The following SOX6 variants were observed in gnomAD, a reference collection of about 807,000 sequenced individuals.
SOX6 encodes transcription factor SOX-6.
Under a neutral mutation model 97.8 loss-of-function variants are expected in SOX6, and 11 were observed. The ratio of observed to expected loss-of-function variants is 0.11; its 90% confidence interval spans 0.07 to 0.19. The LOEUF (loss-of-function observed/expected upper bound fraction) is 0.19. SOX6 is among the 10% of genes least tolerant of loss of function. The pLI, the probability that SOX6 is intolerant of heterozygous loss-of-function variation, is 1.00. For synonymous variants in SOX6, 360 were observed against 371.4 expected, an observed-to-expected ratio of 0.97 and a Z score of 0.35; for missense variants, 810 against 1,039.5, an observed-to-expected ratio of 0.78 and a Z score of 3.04.
chr11:16,089,093 C>T (rs1848631355), intron 9 of SOX6, among the ~76,000 whole-genome samples: 1 of 152,036 alleles, frequency 6.6e-6, no homozygotes. Context: ...GAAATGAACT[C>T]AATGCAGTTT....
chr11:16,202,244 C>A (rs1851960656), intron 4 of SOX6, among the ~76,000 whole-genome samples: 1 of 152,080 alleles, frequency 6.6e-6, no homozygotes, highest in South Asian at 2.1e-4. Context: ...GAAAAATTTT[C>A]ATTTGCTTCT....
At chr11:16,535,207 A>T (rs1028130314) in intron 4 of SOX6, among the ~76,000 whole-genome samples, 2 of 152,194 alleles carry the variant, frequency 1.3e-5, no homozygotes, top group Non-Finnish European at 2.9e-5. Context: ...TATCTACTAC[A>T]TGATGGTGTT....
intron 6 of SOX6, among the ~76,000 whole-genome samples, chr11:16,176,062 C>T (rs563860630): frequency 4.4e-5 from 5 of 113,658 alleles, no homozygotes; most frequent in Admixed American, 4.3e-4. Flanking sequence ...GACGGACAGA[C>T]GGACGGACGG....
At chr11:16,553,308 G>C (rs576241767) in intron 4 of SOX6, among the ~76,000 whole-genome samples, 1 of 152,310 alleles carries the variant, frequency 6.6e-6, no homozygotes, top group Admixed American at 6.5e-5. Context: ...CTAAGTATGG[G>C]CTGTTGGCAA....
chr11:16,432,420 A>G (rs1859288724), intron 1 of SOX6, among the ~76,000 whole-genome samples: 1 of 152,262 alleles, frequency 6.6e-6, no homozygotes, highest in East Asian at 1.9e-4. Context: ...GAAATAATGT[A>G]TTAATTAGCT....
intron 6 of SOX6, among the ~76,000 whole-genome samples, chr11:16,135,798 G>A (rs1849945486): frequency 6.6e-6 from 1 of 152,148 alleles, no homozygotes; most frequent in African/African-American, 2.4e-5. Flanking sequence ...GGCTTTGAGA[G>A]GATTGAAAGA....
At chr11:16,222,473 C>G in intron 4 of SOX6, among the ~76,000 whole-genome samples, 1 of 152,080 alleles carries the variant, frequency 6.6e-6, no homozygotes, top group East Asian at 1.9e-4. Flanking sequence ...TTTGGCTTCC[C>G]AAAGTGCTGG....
intron 4 of SOX6, among the ~76,000 whole-genome samples, chr11:16,600,052 T>G (rs753071375): frequency 4.6e-5 from 7 of 152,236 alleles, no homozygotes; most frequent in Non-Finnish European, 8.8e-5. Context: ...AAGTGTGGAC[T>G]GGCATAAATG....
intron 9 of SOX6, among the ~76,000 whole-genome samples, chr11:16,081,404 C>T (rs887058151): frequency 6.6e-6 from 1 of 151,894 alleles, no homozygotes; most frequent in Middle Eastern, 3.4e-3. Context: ...TTAAAGATGA[C>T]ACAAAAAAAA....
intron 1 of SOX6, among the ~76,000 whole-genome samples, chr11:16,459,308 A>G (rs150101112): frequency 6.6e-6 from 1 of 152,218 alleles, no homozygotes; most frequent in Non-Finnish European, 1.5e-5. Context: ...CATAAAAGCA[A>G]GAATCAAACT....
chr11:16,449,346 G>C (rs1336116126), intron 1 of SOX6, among the ~76,000 whole-genome samples: 1 of 126,896 alleles, frequency 7.9e-6, no homozygotes, highest in Non-Finnish European at 1.6e-5. Context: ...AGGCTGGAGT[G>C]CAGTGGAGCC....
At chr11:16,582,949 T>C (rs1848044372) in intron 4 of SOX6, among the ~76,000 whole-genome samples, 1 of 152,076 alleles carries the variant, frequency 6.6e-6, no homozygotes, top group African/African-American at 2.4e-5. Flanking sequence ...TTCACAAAGA[T>C]GGCAAGACGC....
intron 1 of SOX6, among the ~76,000 whole-genome samples, chr11:16,452,690 C>T (rs184779080): frequency 6.6e-6 from 1 of 152,134 alleles, no homozygotes; most frequent in Admixed American, 6.5e-5. Flanking sequence ...TTTCCTGGGA[C>T]TTTGCTTTCC....
chr11:16,359,907 C>T (rs1857165949), upstream of SOX6, among the ~76,000 whole-genome samples: 1 of 152,126 alleles, frequency 6.6e-6, no homozygotes, highest in South Asian at 2.1e-4. Context: ...ACCAATTTAT[C>T]CCCATTTGCA....
chr11:16,091,693 A>G (rs1848691896), intron 9 of SOX6, among the ~76,000 whole-genome samples: 1 of 152,044 alleles, frequency 6.6e-6, no homozygotes, highest in Admixed American at 6.6e-5. Flanking sequence ...TCATTTAAGA[A>G]TAACGTATGG....
chr11:16,371,427 C>A (rs1033708944), intron 1 of SOX6, among the ~76,000 whole-genome samples: 1 of 151,958 alleles, frequency 6.6e-6, no homozygotes, highest in African/African-American at 2.4e-5. Flanking sequence ...TTCTCCATAG[C>A]ATTTATCTTC....
At chr11:16,087,689 G>A (rs1352166501) in intron 9 of SOX6, among the ~76,000 whole-genome samples, 1 of 152,038 alleles carries the variant, frequency 6.6e-6, no homozygotes, top group African/African-American at 2.4e-5. Context: ...CCCAGATTGA[G>A]GCAGATGGGA....
chr11:16,081,604 C>T (rs1343622108), intron 9 of SOX6, among the ~76,000 whole-genome samples: 1 of 152,098 alleles, frequency 6.6e-6, no homozygotes, highest in South Asian at 2.1e-4. Context: ...CTATGCAGCT[C>T]TTTGAAGGAA....
chr11:16,539,837 C>T (rs539803400), intron 4 of SOX6, among the ~76,000 whole-genome samples: 1 of 152,234 alleles, frequency 6.6e-6, no homozygotes, highest in Non-Finnish European at 1.5e-5. Flanking sequence ...TAATAGCCTA[C>T]CAACCAAAAA....
Sources: gnomAD v4.1 joint callset for allele counts (sites outside exome capture counted in the v4.1 genomes callset) on GRCh38, gnomAD v4.1.1 for gene constraint, MANE v1.5 for transcripts, NCBI Gene and HGNC (gene_info 2026-07-23, HGNC 2026-07-21) for gene names.